Variants in ZBTB2 observed in about 807,000 individuals in gnomAD.
ZBTB2 encodes the protein zinc finger and BTB domain containing 2, also known as zinc finger and BTB domain-containing protein 2.
In ZBTB2, 2 loss-of-function variants were observed where a neutral mutation model predicts 39.5. The ratio of observed to expected loss-of-function variants is 0.05; its 90% CI spans 0.02 to 0.16. The LOEUF (loss-of-function observed/expected upper bound fraction) is 0.16, where lower values mean the gene tolerates loss of function less well. Ranked by LOEUF, ZBTB2 falls within the 10% of genes least tolerant of loss-of-function variation. The pLI is 1.00. For missense variants in ZBTB2, 391 were observed against 653.0 expected (o/e 0.60, Z 4.37); for synonymous variants, 251 against 256.6 (o/e 0.98, Z 0.21).
At chr6:151,385,435 A>G (rs3900024) in intron 1 of ZBTB2, among the ~76,000 whole-genome samples, 54,188 of 152,060 alleles carry the variant, frequency 0.36, 11,431 homozygotes, top group East Asian at 0.69. Flanking sequence ...TCATCCTTTT[A>G]GAAGTGCAGA....
At chr6:151,385,130 G>T (rs532977960) in intron 1 of ZBTB2, among the ~76,000 whole-genome samples, 1 of 152,324 alleles carries the variant, frequency 6.6e-6, no homozygotes, top group South Asian at 2.1e-4. Context: ...AGTAGCACAG[G>T]AGAGAGGAGG....
intron 2 of ZBTB2, among the ~76,000 whole-genome samples, chr6:151,372,009 G>C (rs947319565): frequency 6.6e-6 from 1 of 152,200 alleles, no homozygotes; most frequent in Non-Finnish European, 1.5e-5. Flanking sequence ...CACACAGCCT[G>C]AGGCCTTGGG....
chr6:151,391,054 C>A lies in ZBTB2; in HGVS notation c.-13+366G>T, dbSNP rs559588597. Among the ~76,000 whole-genome samples, 267 of 147,564 alleles carry A rather than the reference C, an allele frequency of 1.8e-3. 1 individual carries two copies. Among genetic ancestry groups the A allele is most frequent in the Middle Eastern group, 0.011 (3 of 284 alleles). ...CCCTCCGATCCGCCGCCCGCCCTCT[C>A]GGCTTCCGTCCCCTCCCCCTCCCAC... On this transcript the variant is annotated intron_variant, in intron 1 of 2. Transcript: ENST00000325144.
At chr6:151,390,697 C>T (rs910002431) in intron 1 of ZBTB2, among the ~76,000 whole-genome samples, 2 of 151,734 alleles carry the variant, frequency 1.3e-5, no homozygotes, top group Admixed American at 6.5e-5. Flanking sequence ...CTGTAGGAGC[C>T]GCTGCAGCTG....
Position 151,370,217 on chromosome 6 carries a change from C to A in ZBTB2, c.173+3248G>T, listed in dbSNP as rs572937323. ...GTGACACGATCTCGGCTTACTGCAA[C>A]CTCCGCCTCCCGGGTTCAAGCAATT... On this transcript the variant is annotated intron_variant, in intron 2 of 2. Coordinates refer to ENST00000325144, the MANE Select transcript of ZBTB2 (RefSeq NM_020861.3). The A allele has an allele frequency of 3.2e-4, 97 of 302,306 alleles. 1 individual carries two copies. The highest frequency in any genetic ancestry group is 6.3e-4 in the South Asian group (5 of 7,946). The allele number at this position is 302,306 out of a possible 1,614,324, so 18.7% of individuals were successfully genotyped here.
intron 1 of ZBTB2, among the ~76,000 whole-genome samples, chr6:151,390,211 G>A (rs1245449449): frequency 6.6e-6 from 1 of 151,728 alleles, no homozygotes; most frequent in Non-Finnish European, 1.5e-5. Context: ...GGCGACAAGG[G>A]CGGCGCCACA....
chr6:151,386,723 G>C (rs1346762428), intron 1 of ZBTB2, among the ~76,000 whole-genome samples: 1 of 152,142 alleles, frequency 6.6e-6, no homozygotes, highest in Non-Finnish European at 1.5e-5. Context: ...TTAATAATAT[G>C]TTTCAATATT....
chr6:151,389,446 A>G (rs747176964), intron 1 of ZBTB2, among the ~76,000 whole-genome samples: 3 of 152,114 alleles, frequency 2.0e-5, no homozygotes, highest in Non-Finnish European at 4.4e-5. Context: ...CGTTCAGGGT[A>G]CTCCCACACT....
At chr6:151,379,989 C>CCA (rs1314191114) in intron 1 of ZBTB2, among the ~76,000 whole-genome samples, 4 of 151,980 alleles carry the variant, frequency 2.6e-5, no homozygotes, top group Admixed American at 6.6e-5. Flanking sequence ...AGGGAGTCTA[C>CCA]CAGTTATTTT....
chr6:151,379,270 T>A (rs1778981685), intron 1 of ZBTB2, among the ~76,000 whole-genome samples: 1 of 152,202 alleles, frequency 6.6e-6, no homozygotes, highest in Non-Finnish European at 1.5e-5. Flanking sequence ...TTACATTTAT[T>A]GACCATTTGT....
chr6:151,373,108 T>G (rs1264625804), intron 2 of ZBTB2, among the ~76,000 whole-genome samples: 1 of 128,918 alleles, frequency 7.8e-6, no homozygotes, highest in African/African-American at 3.1e-5. Flanking sequence ...TGAGCCGAGA[T>G]TGCACCACTG....
In ZBTB2 at chr6:151,366,936, A is replaced by C; in HGVS notation, c.174-44T>G. The C allele has an allele frequency of 6.5e-7, 1 of 1,538,780 alleles. No individual in the cohort carries two copies. Among genetic ancestry groups the C allele is most frequent in the Non-Finnish European group, 8.7e-7 (1 of 1,144,952 alleles). On this transcript the variant is annotated intron_variant, in intron 2 of 2. Transcript: ENST00000325144. This position sits in a 1 kb window ranked among gnomAD's most constrained non-coding sequence, Gnocchi z 7.1. ...AAAATACGTGAGTAAATGCCAGTCTAGGTGTTAACATAAAGCCTGAAGAAA... is the reference window on the plus strand; with the variant it reads ...AAAATACGTGAGTAAATGCCAGTCTCGGTGTTAACATAAAGCCTGAAGAAA...
intron 2 of ZBTB2, chr6:151,369,956 T>C: frequency 4.1e-6 from 1 of 243,038 alleles, no homozygotes; most frequent in Non-Finnish European, 6.6e-6. Flanking sequence ...TTTTCAAAGT[T>C]CCTTAATGTA....
At chr6:151,381,198 A>G (rs1171946430) in intron 1 of ZBTB2, among the ~76,000 whole-genome samples, 1 of 152,166 alleles carries the variant, frequency 6.6e-6, no homozygotes, top group East Asian at 1.9e-4. Context: ...TGACCTTGCG[A>G]AAGGGCAAAC....
At chr6:151,385,542 T>A (rs544061115) in intron 1 of ZBTB2, among the ~76,000 whole-genome samples, 1 of 152,210 alleles carries the variant, frequency 6.6e-6, no homozygotes, top group Non-Finnish European at 1.5e-5. Flanking sequence ...TTGTGGAAAT[T>A]GTTGATTCAG....
chr6:151,371,278 AC>A (rs1266914195), intron 2 of ZBTB2, among the ~76,000 whole-genome samples: 2 of 152,124 alleles, frequency 1.3e-5, no homozygotes, highest in East Asian at 3.9e-4. Flanking sequence ...GATTTGTAAA[AC>A]CCAGTCCCTG....
intron 1 of ZBTB2, among the ~76,000 whole-genome samples, chr6:151,390,181 G>A (rs1350331240): frequency 1.3e-5 from 2 of 151,910 alleles, no homozygotes; most frequent in African/African-American, 4.8e-5. Flanking sequence ...CTGGGGCCCG[G>A]CCTGCAGCCT....
chr6:151,389,045 GCAAA>G (rs1007946058), intron 1 of ZBTB2, among the ~76,000 whole-genome samples: 5 of 152,158 alleles, frequency 3.3e-5, no homozygotes, highest in Non-Finnish European at 5.9e-5. Flanking sequence ...TCTTTGTCTA[GCAAA>G]CAAACCACAA....
At chr6:151,390,948 C>A (rs532640828) in intron 1 of ZBTB2, among the ~76,000 whole-genome samples, 2 of 151,512 alleles carry the variant, frequency 1.3e-5, no homozygotes, top group African/African-American at 4.8e-5. Flanking sequence ...GGGCGCACTT[C>A]GCGGTGGCGG....
Sources: allele counts gnomAD v4.1 joint callset (sites outside exome capture counted in the v4.1 genomes callset), GRCh38; gene constraint gnomAD v4.1.1; non-coding constraint Gnocchi (gnomAD v3.1); transcripts MANE v1.5; gene names NCBI Gene and HGNC (gene_info 2026-07-23, HGNC 2026-07-21).